The following ZNF609 variants were observed in gnomAD, a reference collection of about 807,000 sequenced individuals.
ZNF609 encodes zinc finger protein 609.
In ZNF609, 11 loss-of-function variants were observed where a neutral mutation model predicts 109.5. The ratio of observed to expected loss-of-function variants is 0.10; its 90% CI spans 0.06 to 0.17. The LOEUF (loss-of-function observed/expected upper bound fraction) is 0.17, where lower values mean the gene tolerates loss of function less well. ZNF609 is among the 10% of genes least tolerant of loss of function. The pLI is 1.00. For missense variants in ZNF609, 1,559 were observed against 1,772.4 expected (o/e 0.88, Z 2.16); for synonymous variants, 646 against 662.0 (o/e 0.98, Z 0.37).
intron 3 of ZNF609, among the ~76,000 whole-genome samples, chr15:64,665,473 C>G (rs1342853059): frequency 6.6e-6 from 1 of 152,166 alleles, no homozygotes; most frequent in African/African-American, 2.4e-5. Context: ...GATTTAAGAC[C>G]AGGTGCCGTG....
intron 1 of ZNF609, among the ~76,000 whole-genome samples, chr15:64,463,119 G>C (rs997274689): frequency 6.6e-6 from 1 of 152,196 alleles, no homozygotes; most frequent in Admixed American, 6.5e-5. Context: ...AGCTAGCTGG[G>C]CATAGTGGCA....
In ZNF609 at chr15:64,675,960, C is replaced by T. The variant is rs1194021339; in HGVS notation, c.3106C>T (p.Leu1036Phe). Reference sequence around the variant, plus strand: ...GGGCCTGAAGGAGCGGGAGGCAGCACTCAAGGAAGAGTGGAAGCAAAAGCC... The same window carrying T: ...GGGCCTGAAGGAGCGGGAGGCAGCATTCAAGGAAGAGTGGAAGCAAAAGCC... ...EMGLKEREAA[L>F]KEEWKQKPSI... Residue 1036 changes from leucine to phenylalanine, a missense_variant, in exon 5 of 10, where the codon CTC (leucine) becomes TTC (phenylalanine). Coordinates refer to ENST00000326648, the MANE Select transcript of ZNF609 (RefSeq NM_015042.2). 1 of 1,614,170 alleles carries T rather than the reference C, an allele frequency of 6.2e-7. No individual in the cohort carries two copies. Among genetic ancestry groups the T allele is most frequent in the Non-Finnish European group, 8.5e-7 (1 of 1,180,030 alleles).
Position 64,500,012 on chromosome 15 carries a change from A to C in ZNF609, c.593A>C (p.Tyr198Ser). The C allele has an allele frequency of 6.2e-7, 1 of 1,614,106 alleles. No homozygotes were observed. The highest frequency in any genetic ancestry group is 8.5e-7 in the Non-Finnish European group (1 of 1,180,014). Residue 198 changes from tyrosine to serine, a missense_variant, in exon 2 of 10, where the codon TAT becomes TCT. Transcript: ENST00000326648. ...CCCTTGGGAGGACGGGGTGGTCAGT[A>C]TGATGGAAGTGCAGGGGTGGATACA... ...PVPLGGRGGQ[Y>S]DGSAGVDTGA...
chr15:64,675,189 G>C lies in ZNF609; in HGVS notation c.2335G>C (p.Asp779His), dbSNP rs748671774. 6.2e-7 allele frequency: 1 copy of C among 1,614,126 alleles called. No individual in the cohort carries two copies. Among genetic ancestry groups the C allele is most frequent in the East Asian group, 2.2e-5 (1 of 44,890 alleles). The stretch of plus-strand genomic sequence containing the variant: ...GGAGGGGCTCCTAAATGGCTCATCA[G>C]ACCCCCACCAAAGCCGACTGGCTAG... ...KMEGLLNGSS[D>H]PHQSRLASIK... The change falls in exon 5 of 10, where the codon GAC becomes CAC. Residue 779 changes from aspartate to histidine, a missense_variant. Asp to His is a moderately conservative substitution (Grantham distance 81). Around this residue, in one of 4 missense-constraint regions of ZNF609, gnomAD observed 1,204 missense variants for 1,314.1 expected, o/e 0.92. Coordinates refer to ENST00000326648, the MANE Select transcript of ZNF609 (RefSeq NM_015042.2).
At chr15:64,478,158 GT>G (rs1566993801) in intron 1 of ZNF609, among the ~76,000 whole-genome samples, 1 of 81,372 alleles carries the variant, frequency 1.2e-5, no homozygotes, top group African/African-American at 1.3e-4. Context: ...GAATAAAGGT[GT>G]GTGTGTGTGT....
intron 1 of ZNF609, among the ~76,000 whole-genome samples, chr15:64,491,464 C>T (rs1893411029): frequency 6.6e-6 from 1 of 152,166 alleles, no homozygotes; most frequent in African/African-American, 2.4e-5. Context: ...AAACCTCACA[C>T]AGTTTATATT....
At chr15:64,506,807 A>G (rs1386386174) in intron 2 of ZNF609, among the ~76,000 whole-genome samples, 1 of 152,228 alleles carries the variant, frequency 6.6e-6, no homozygotes, top group Non-Finnish European at 1.5e-5. Flanking sequence ...GCATTCAATA[A>G]ATATTAGAAA....
At chr15:64,500,401 G>GC (rs1212721848) in intron 2 of ZNF609, 2 of 737,284 alleles carry the variant, frequency 2.7e-6, no homozygotes, top group Non-Finnish European at 4.8e-6. Flanking sequence ...GTTGTTGGGG[G>GC]CAGCTACTTT....
intron 3 of ZNF609, among the ~76,000 whole-genome samples, chr15:64,669,639 A>C (rs1896697480): frequency 6.6e-6 from 1 of 152,070 alleles, no homozygotes; most frequent in Admixed American, 6.6e-5. Context: ...GAGTAAGGCT[A>C]CATTACCTAG....
intron 2 of ZNF609, among the ~76,000 whole-genome samples, chr15:64,589,278 CCTA>C (rs1895254673): frequency 6.6e-6 from 1 of 152,054 alleles, no homozygotes; most frequent in Admixed American, 6.6e-5. Flanking sequence ...CCTGAAAAGA[CCTA>C]CTGATATCAG....
At chr15:64,517,991 C>A (rs1452601193) in intron 2 of ZNF609, among the ~76,000 whole-genome samples, 1 of 151,846 alleles carries the variant, frequency 6.6e-6, no homozygotes, top group African/African-American at 2.4e-5. Flanking sequence ...GTTGCCCAGG[C>A]TCACCACGTT....
intron 2 of ZNF609, among the ~76,000 whole-genome samples, chr15:64,509,010 C>T (rs1025417162): frequency 1.3e-5 from 2 of 152,044 alleles, no homozygotes; most frequent in South Asian, 2.1e-4. Flanking sequence ...CAACAATTTG[C>T]GTTTTAACAT....
chr15:64,617,949 C>G lies in ZNF609; in HGVS notation c.748-4878C>G, dbSNP rs560887206. On this transcript the variant is annotated intron_variant, in intron 2 of 9. Coordinates refer to ENST00000326648, the MANE Select transcript of ZNF609 (RefSeq NM_015042.2). ...TAGGAGCCATGATGGCACTTCTTAG[C>G]ATTTCAAAGACTGAGAATTAGCTTA... is the stretch of plus-strand genomic sequence containing the variant. 2.2e-4 allele frequency among the ~76,000 whole-genome samples: 33 copies of G among 152,304 alleles called. No individual in the cohort carries two copies. In the East Asian group the frequency reaches 5.4e-3, roughly 25 times the overall value.
chr15:64,467,456 C>T (rs1596373628), intron 1 of ZNF609, among the ~76,000 whole-genome samples: 1 of 152,196 alleles, frequency 6.6e-6, no homozygotes, highest in East Asian at 1.9e-4. Context: ...CTGACCTTTG[C>T]CACAAGTGTC....
At chr15:64,533,853 C>T (rs898250575) in intron 2 of ZNF609, among the ~76,000 whole-genome samples, 1 of 152,156 alleles carries the variant, frequency 6.6e-6, no homozygotes, top group Non-Finnish European at 1.5e-5. Flanking sequence ...GGCATTGATA[C>T]AGTCCATCAA....
chr15:64,482,320 T>C (rs1335124093), intron 1 of ZNF609, among the ~76,000 whole-genome samples: 1 of 152,166 alleles, frequency 6.6e-6, no homozygotes, highest in Non-Finnish European at 1.5e-5. Flanking sequence ...GAAAAATATC[T>C]AGAAGTCCCA....
intron 2 of ZNF609, among the ~76,000 whole-genome samples, chr15:64,558,174 C>G (rs955957412): frequency 3.3e-5 from 5 of 152,164 alleles, no homozygotes; most frequent in Non-Finnish European, 5.9e-5. Flanking sequence ...ATACTTAACT[C>G]TCCATTATTG....
chr15:64,641,215 C>CTTTTTTT lies in ZNF609; in HGVS notation c.973+18166_973+18167insTTTTTTT, dbSNP rs1437729494. Among the ~76,000 whole-genome samples, 27 of 18,126 alleles carry CTTTTTTT rather than the reference C, an allele frequency of 1.5e-3. 1 individual carries two copies. The highest frequency in any genetic ancestry group is 2.4e-3 in the African/African-American group (16 of 6,552). 11.9% of individuals were successfully genotyped at this position (18,126 alleles called of 152,430 possible). On this transcript the variant is annotated intron_variant, in intron 3 of 9. Transcript: ENST00000326648. Reference sequence around the variant, plus strand: ...ATGATGGGTGTTAGTTACACTTGTGCTTTCTTTTTTTTTTTTTTTGAGATG... The same window carrying CTTTTTTT: ...ATGATGGGTGTTAGTTACACTTGTGCTTTTTTTTTTCTTTTTTTTTTTTTTTGAGATG...
intron 2 of ZNF609, among the ~76,000 whole-genome samples, chr15:64,605,115 G>A (rs990567419): frequency 2.6e-4 from 39 of 152,286 alleles, no homozygotes; most frequent in Admixed American, 1.2e-3. Context: ...ACAGGCATAA[G>A]CCACCGTGCC....
Sources: allele counts gnomAD v4.1 joint callset (sites outside exome capture counted in the v4.1 genomes callset), GRCh38; gene constraint gnomAD v4.1.1; regional missense constraint gnomAD v4.1.1; transcripts MANE v1.5; gene names NCBI Gene and HGNC (gene_info 2026-07-23, HGNC 2026-07-21).